AOC1: variants seen among roughly 807,000 people sequenced by gnomAD.
AOC1 encodes the protein diamine oxidase [copper-containing].
In AOC1, 58 loss-of-function variants were observed where a neutral mutation model predicts 57.1. The observed-to-expected ratio is 1.02, with a 90% CI of 0.82 to 1.26. The LOEUF is 1.26. Ranked by LOEUF, AOC1 falls within the 50% of genes most tolerant of loss-of-function variation. The probability of loss-of-function intolerance (pLI) is 0.00; values close to 1 mark genes in which losing one functional copy is unlikely to be tolerated. For missense variants in AOC1, 917 were observed against 1,005.3 expected, an observed-to-expected ratio of 0.91 and a Z score of 1.19; for synonymous variants, 401 against 423.4, an observed-to-expected ratio of 0.95 and a Z score of 0.65.
At chr7:150,855,242 C>T (rs1230815035) in intron 1 of AOC1, among the ~76,000 whole-genome samples, 1 of 152,150 alleles carries the variant, frequency 6.6e-6, no homozygotes, top group Middle Eastern at 3.2e-3. Context: ...AGGGAAATTT[C>T]ACGGTGACGG....
chr7:150,858,876 G>A lies in AOC1; in HGVS notation c.1684G>A (p.Glu562Lys), dbSNP rs1254297993. Residue 562 changes from glutamate (E) to lysine (K), a missense_variant, in exon 3 of 5, where the codon GAG (glutamate) becomes AAG (lysine). Physicochemically the swap from Glu to Lys is moderately conservative, Grantham distance 56 (BLOSUM62 1). Transcript: ENST00000360937. ...PTLEQTQYSW[E>K]RQAAFRFKRK... ...TCTGGAGCAGACGCAGTACTCCTGG[G>A]AGCGCCAGGCGGCCTTCCGCTTCAA... 6.2e-7 allele frequency: 1 copy of A among 1,613,884 alleles called. No individual in the cohort carries two copies. The highest frequency in any genetic ancestry group is 1.7e-5 in the Admixed American group (1 of 60,006).
intron 3 of AOC1, among the ~76,000 whole-genome samples, chr7:150,860,279 C>CATT (rs1799927780): frequency 1.4e-5 from 2 of 142,854 alleles, no homozygotes; most frequent in African/African-American, 2.6e-5. Flanking sequence ...TGTTCTGGGC[C>CATT]TGTGTCTCTG....
Position 150,857,185 on chromosome 7 carries a change from A to G in AOC1, c.715A>G (p.Asn239Asp). The G allele has an allele frequency of 6.2e-7, 1 of 1,613,366 alleles. No individual in the cohort carries two copies. Among genetic ancestry groups the G allele is most frequent in the Non-Finnish European group, 8.5e-7 (1 of 1,179,588 alleles). ...CTGGGCCGTGGAGCAGGTGTGGTAC[A>G]ACGGGAAGTTCTATGGGAGCCCAGA... is the stretch of plus-strand genomic sequence containing the variant. Reference protein sequence around the residue: ...GHWAVEQVWYNGKFYGSPEEL... With the variant: ...GHWAVEQVWYDGKFYGSPEEL... The change falls in exon 2 of 5, where the codon AAC (asparagine) becomes GAC (aspartate). Residue 239 changes from asparagine to aspartate, a missense_variant. Transcript: ENST00000360937. The surrounding 1 kb of genome is among the most constrained non-coding windows in gnomAD (Gnocchi z 6.6).
In AOC1 at chr7:150,857,580, G is replaced by C; in HGVS notation, c.1110G>C (p.Lys370Asn). Residue 370 changes from lysine to asparagine, a missense_variant, in exon 2 of 5, where the codon AAG becomes AAC. Lys to Asn is a moderately conservative substitution (Grantham distance 94). Transcript: ENST00000360937. The surrounding 1 kb of genome is among the most constrained non-coding windows in gnomAD (Gnocchi z 6.6). ...GGHTPAGMQT[K>N]YLDVGWGLGS... ...ACACACCTGCAGGCATGCAGACCAA[G>C]TACCTCGATGTCGGCTGGGGCCTGG... is the stretch of plus-strand genomic sequence containing the variant. 6.2e-7 allele frequency: 1 copy of C among 1,614,044 alleles called. No homozygotes were observed. Among genetic ancestry groups the C allele is most frequent in the East Asian group, 2.2e-5 (1 of 44,884 alleles).
intron 4 of AOC1, 28 bp downstream of exon 4, chr7:150,860,661 G>T (rs778513749): frequency 1.2e-6 from 2 of 1,607,782 alleles, no homozygotes; most frequent in Non-Finnish European, 1.7e-6. Flanking sequence ...GCCCTGCCCG[G>T]TGCTGGCCCT....
In AOC1 at chr7:150,856,352, G is replaced by A; in HGVS notation, c.-16-103G>A. On this transcript the variant is annotated intron_variant, in intron 1 of 4. Coordinates refer to ENST00000360937, the MANE Select transcript of AOC1 (RefSeq NM_001091.4). The surrounding 1 kb of genome is among the most constrained non-coding windows in gnomAD (Gnocchi z 5.2). ...CAGCCTCCAGCTTGGGGCAGGGCAA[G>A]GGGAGGAAGCTCAGTCCATGGGAAA... 7.1e-7 allele frequency: 1 copy of A among 1,403,372 alleles called. No homozygotes were observed. The highest frequency in any genetic ancestry group is 9.5e-7 in the Non-Finnish European group (1 of 1,056,356). The allele number at this position is 1,403,372 out of a possible 1,614,324, so 86.9% of individuals were successfully genotyped here. A position where few individuals can be genotyped will look rare whatever the true frequency, so the allele number is the denominator to read the frequency against.
Position 150,860,956 on chromosome 7 carries a change from G to A in AOC1, c.2003G>A (p.Trp668Ter). The A allele has an allele frequency of 1.2e-6, 2 of 1,612,610 alleles. No homozygotes were observed. The highest frequency in any genetic ancestry group is 8.5e-7 in the Non-Finnish European group (1 of 1,179,692). Residue 668 changes from tryptophan to a stop codon, truncating the protein, a stop_gained, in exon 5 of 5, where the codon TGG becomes TAG. Coordinates refer to ENST00000360937, the MANE Select transcript of AOC1 (RefSeq NM_001091.4). LOFTEE classifies it high-confidence loss of function. ...ENIENEDLVA[W>*]VTVGFLHIPH... The stretch of plus-strand genomic sequence containing the variant: ...TGTCTCCTGCAGGACCTGGTGGCCT[G>A]GGTGACGGTGGGCTTCCTGCACATC...
intron 1 of AOC1, among the ~76,000 whole-genome samples, chr7:150,855,200 G>A (rs964233016): frequency 6.6e-6 from 1 of 152,146 alleles, no homozygotes; most frequent in Non-Finnish European, 1.5e-5. Context: ...CTTGAGGAAG[G>A]GGGTGCAAGG....
At chr7:150,859,792 G>C (rs11981415) in intron 3 of AOC1, 19,620 of 153,854 alleles carry the variant, frequency 0.13, 1,390 homozygotes, top group African/African-American at 0.19. Flanking sequence ...CTTTATCCTC[G>C]TCTCCTTCAC....
chr7:150,860,365 TC>T lies in AOC1; in HGVS notation c.1857-133del, dbSNP rs1198459199. 1.3e-4 allele frequency: 194 copies of T among 1,488,714 alleles called. 3 individuals carry two copies. In the East Asian group the frequency reaches 4.4e-3, roughly 34 times the overall value. 92.2% of individuals were successfully genotyped at this position (1,488,714 alleles called of 1,614,324 possible). A position where few individuals can be genotyped will look rare whatever the true frequency, so the allele number is the denominator to read the frequency against. On this transcript the variant is annotated intron_variant, in intron 3 of 4. Transcript: ENST00000360937. ...GTTAACAGCAGCCCGTCCTGCTGACTCCCAGGACAGATGATCTGTCATCTTG... is the reference window on the plus strand; with the variant it reads ...GTTAACAGCAGCCCGTCCTGCTGACTCCAGGACAGATGATCTGTCATCTTG...
At position 150,858,060 on chromosome 7, in the gene AOC1, T is replaced by C. The variant is rs1252745117; in HGVS notation, c.1570+20T>C. The C allele has an allele frequency of 1.3e-6, 2 of 1,499,208 alleles. No homozygotes were observed. Among genetic ancestry groups the C allele is most frequent in the African/African-American group, 1.4e-5 (1 of 71,706 alleles). The allele number at this position is 1,499,208 out of a possible 1,614,324, so 92.9% of individuals were successfully genotyped here. A position where few individuals can be genotyped will look rare whatever the true frequency, so the allele number is the denominator to read the frequency against. Reference sequence around the variant, plus strand: ...TGGCAGGTAGGACTCAAAGCGAGACTCTCCCGTTCAAACATCTGCATCCAG... The same window carrying C: ...TGGCAGGTAGGACTCAAAGCGAGACCCTCCCGTTCAAACATCTGCATCCAG... On this transcript the variant is annotated intron_variant, in intron 2 of 4. Coordinates refer to ENST00000360937, the MANE Select transcript of AOC1 (RefSeq NM_001091.4).
intron 1 of AOC1, among the ~76,000 whole-genome samples, chr7:150,855,672 C>T (rs1799749267): frequency 6.6e-6 from 1 of 152,228 alleles, no homozygotes; most frequent in African/African-American, 2.4e-5. Flanking sequence ...CAGTCTGCAG[C>T]CTAGTCACAC....
chr7:150,860,131 A>T (rs951974259), intron 3 of AOC1, among the ~76,000 whole-genome samples: 2 of 151,908 alleles, frequency 1.3e-5, no homozygotes, highest in African/African-American at 2.4e-5. Context: ...GTGAGCCAAG[A>T]TCGCATCACT....
Position 150,857,001 on chromosome 7 carries a change from C to T in AOC1, c.531C>T (p.Cys177=). 6.2e-7 allele frequency: 1 copy of T among 1,614,176 alleles called. No homozygotes were observed. Among genetic ancestry groups the T allele is most frequent in the Non-Finnish European group, 8.5e-7 (1 of 1,180,004 alleles). ...LNTTGFSFQD[C]HDRCLAFTDV... ...CCACAGGCTTCTCATTCCAAGACTG[C>T]CATGACAGATGCCTGGCCTTCACCG... Residue 177 remains cysteine (C), a synonymous_variant, in exon 2 of 5, where the codon TGC becomes TGT. Transcript: ENST00000360937. This position sits in a 1 kb window ranked among gnomAD's most constrained non-coding sequence, Gnocchi z 6.6.
intron 4 of AOC1, 23 bp downstream of exon 4, chr7:150,860,656 G>A (rs933725602): frequency 1.9e-6 from 3 of 1,610,424 alleles, no homozygotes; most frequent in Non-Finnish European, 2.5e-6. Context: ...CCCCAGCCCT[G>A]CCCGGTGCTG....
chr7:150,855,543 C>T (rs1465378384), intron 1 of AOC1, among the ~76,000 whole-genome samples: 1 of 152,052 alleles, frequency 6.6e-6, no homozygotes, highest in Admixed American at 6.6e-5. Context: ...AAGGCATCTT[C>T]CTAAGATGAA....
rs199561859 is a variant in AOC1, at chr7:150,858,845, G to A, written c.1653G>A (p.Gln551=). The A allele has an allele frequency of 6.1e-5, 99 of 1,613,860 alleles. No homozygotes were observed. The highest frequency in any genetic ancestry group is 7.5e-5 in the Non-Finnish European group (89 of 1,179,896). Residue 551 remains glutamine, a synonymous_variant, in exon 3 of 5, where the codon CAG becomes CAA. Transcript: ENST00000360937. ...GGAGCCCAAGACACCGCGTGGTCCA[G>A]CCAACTCTGGAGCAGACGCAGTACT... is the stretch of plus-strand genomic sequence containing the variant. ...NPWSPRHRVV[Q]PTLEQTQYSW...
intron 4 of AOC1, 131 bp from the exon 5 acceptor site, chr7:150,860,812 A>C: frequency 2.2e-6 from 3 of 1,392,010 alleles, no homozygotes; most frequent in Non-Finnish European, 2.9e-6. Flanking sequence ...AGAGCTGCTC[A>C]TCTCTTTAAA....
chr7:150,861,116 C>T lies in AOC1; in HGVS notation c.2163C>T (p.Asn721=), dbSNP rs745737987. 5.6e-6 allele frequency: 9 copies of T among 1,614,036 alleles called. No homozygotes were observed. The highest frequency in any genetic ancestry group is 2.7e-5 in the African/African-American group (2 of 74,930). ...CTGTGATCGTGTGGCCTCGGGACAA[C>T]GGCCCCAACTACGTCCAGCGCTGGA... ...RDTVIVWPRD[N]GPNYVQRWIP... The change falls in exon 5 of 5, where the codon AAC becomes AAT. Residue 721 remains asparagine (N), a synonymous_variant. Coordinates refer to ENST00000360937, the MANE Select transcript of AOC1 (RefSeq NM_001091.4). This position sits in a 1 kb window ranked among gnomAD's most constrained non-coding sequence, Gnocchi z 4.5.
Sources: gnomAD v4.1 joint callset for allele counts (sites outside exome capture counted in the v4.1 genomes callset) on GRCh38, gnomAD v4.1.1 for gene constraint, Gnocchi (gnomAD v3.1) non-coding constraint, MANE v1.5 for transcripts, NCBI Gene and HGNC (gene_info 2026-07-23, HGNC 2026-07-21) for gene names.